The following MUCL3 variants were observed in gnomAD, a reference collection of about 807,000 sequenced individuals.
The protein encoded by MUCL3 is mucin like 3.
In MUCL3, 42 loss-of-function variants were observed where a neutral mutation model predicts 70.2. The observed-to-expected ratio is 0.60, with a 90% CI of 0.47 to 0.77. The LOEUF (loss-of-function observed/expected upper bound fraction) is 0.77. Ranked by LOEUF, MUCL3 falls within the 30% of genes least tolerant of loss-of-function variation. The pLI, the probability that MUCL3 is intolerant of heterozygous loss-of-function variation, is 0.00. For missense variants in MUCL3, 1,429 were observed against 1,670.0 expected, an observed-to-expected ratio of 0.86 and a Z score of 2.52; for synonymous variants, 522 against 647.0, an observed-to-expected ratio of 0.81 and a Z score of 2.93.
intron 1 of MUCL3, among the ~76,000 whole-genome samples, chr6:30,948,195 G>A (rs549349920): frequency 6.6e-6 from 1 of 152,306 alleles, no homozygotes; most frequent in South Asian, 2.1e-4. Context: ...CAACTGTAAC[G>A]TGAAGTTGAA....
At position 30,952,155 on chromosome 6, in the gene MUCL3, A is replaced by C; in HGVS notation, c.3691A>C (p.Asn1231His). The change falls in exon 2 of 3, where the codon AAC becomes CAC. Residue 1231 changes from asparagine (N) to histidine (H), a missense_variant. Asn to His is a moderately conservative substitution (Grantham distance 68). Coordinates refer to ENST00000462446, the MANE Select transcript of MUCL3 (RefSeq NM_080870.4). ...TIKAPVKSTENPEKTAAVTKT... is the reference protein window; with the variant it reads ...TIKAPVKSTEHPEKTAAVTKT... The stretch of plus-strand genomic sequence containing the variant: ...AAAAGCCCCAGTAAAGTCCACAGAA[A>C]ACCCAGAAAAAACAGCAGCAGTCAC... 6.2e-7 allele frequency: 1 copy of C among 1,614,030 alleles called. No homozygotes were observed. Among genetic ancestry groups the C allele is most frequent in the Non-Finnish European group, 8.5e-7 (1 of 1,179,988 alleles).
At position 30,949,353 on chromosome 6, in the gene MUCL3, A is replaced by G. The variant is rs1443784836; in HGVS notation, c.889A>G (p.Asn297Asp). The G allele has an allele frequency of 6.4e-7, 1 of 1,551,776 alleles. No homozygotes were observed. The highest frequency in any genetic ancestry group is 2.0e-5 in the Admixed American group (1 of 51,010). ...TGGAGGAAGGACAGCCAATGAGAACAACACACCATCCCCAGCAGAGCCTAC... is the reference window on the plus strand; with the variant it reads ...TGGAGGAAGGACAGCCAATGAGAACGACACACCATCCCCAGCAGAGCCTAC... ...EHGGRTANEN[N>D]TPSPAEPTEN... Residue 297 changes from asparagine to aspartate, a missense_variant, in exon 2 of 3, where the codon AAC becomes GAC. Physicochemically the swap from Asn to Asp is conservative, Grantham distance 23 (BLOSUM62 1). Coordinates refer to ENST00000462446, the MANE Select transcript of MUCL3 (RefSeq NM_080870.4).
Position 30,953,006 on chromosome 6 carries a change from C to T in MUCL3, c.4071C>T (p.Thr1357=). The T allele has an allele frequency of 2.5e-6, 4 of 1,614,242 alleles. No homozygotes were observed. Among genetic ancestry groups the T allele is most frequent in the Non-Finnish European group, 3.4e-6 (4 of 1,180,036 alleles). The change falls in exon 3 of 3, where the codon ACC becomes ACT. Residue 1357 remains threonine, a synonymous_variant. Transcript: ENST00000462446. ...SYMMRTRRTL[T]QNTQYNDAED... is the part of the protein sequence containing the mutation. ...TGATGCGGACACGCCGCACACTAAC[C>T]CAGAACACCCAGTACAATGATGCAG... is the stretch of plus-strand genomic sequence containing the variant.
Position 30,953,967 on chromosome 6 carries a change from TGTAGCTTTATCTC to T in MUCL3, c.*854_*866del, listed in dbSNP as rs1325854976. On this transcript the variant is annotated 3_prime_UTR_variant, in exon 3 of 3. Transcript: ENST00000462446. ...CCTGTCTCTTCCACCAAAAGCCAGCTGTAGCTTTATCTCGTAAAAGTTACCCATCTTCTCTACT... is the reference window on the plus strand; with the variant it reads ...CCTGTCTCTTCCACCAAAAGCCAGCTGTAAAAGTTACCCATCTTCTCTACT... 2 of 152,344 alleles carry T rather than the reference TGTAGCTTTATCTC, an allele frequency of 1.3e-5. No individual in the cohort carries two copies. The highest frequency in any genetic ancestry group is 2.4e-5 in the African/African-American group (1 of 41,442). 9.4% of individuals were successfully genotyped at this position (152,344 alleles called of 1,614,324 possible).
chr6:30,941,193 A>G, intron 1 of MUCL3, 112 bp downstream of exon 1: 1 of 1,307,450 alleles, frequency 7.6e-7, no homozygotes, highest in East Asian at 2.5e-5. Context: ...GCTGCTACAG[A>G]CAGTTGTCTA....
chr6:30,950,880 G>A lies in MUCL3; in HGVS notation c.2416G>A (p.Glu806Lys), dbSNP rs927377573. The A allele has an allele frequency of 6.5e-7, 1 of 1,547,168 alleles. No homozygotes were observed. The highest frequency in any genetic ancestry group is 2.5e-5 in the East Asian group (1 of 40,652). ...CTCAGCAGAGCCTACAGAACACGCA[G>A]AAAGGACTCCACTGGCCAATGAGAA... is the stretch of plus-strand genomic sequence containing the variant. ...SSSAEPTEHA[E>K]RTPLANENTT... Residue 806 changes from glutamate to lysine, a missense_variant, in exon 2 of 3, where the codon GAA becomes AAA. Coordinates refer to ENST00000462446, the MANE Select transcript of MUCL3 (RefSeq NM_080870.4).
rs1404188472 is a variant in MUCL3, at chr6:30,950,576, A to G, written c.2112A>G (p.Gly704=). 1 of 1,550,880 alleles carries G rather than the reference A, an allele frequency of 6.4e-7. No homozygotes were observed. The highest frequency in any genetic ancestry group is 1.4e-5 in the African/African-American group (1 of 72,600). ...TSSSAEPTEH[G]ERTPLANENT... ...CCTCAGCAGAGCCTACAGAACACGG[A>G]GAAAGGACCCCACTGGCCAATGAGA... Residue 704 remains glycine (G), a synonymous_variant, in exon 2 of 3, where the codon GGA becomes GGG. Transcript: ENST00000462446.
chr6:30,943,726 A>C (rs142811320), intron 1 of MUCL3, among the ~76,000 whole-genome samples: 132 of 152,394 alleles, frequency 8.7e-4, no homozygotes, highest in African/African-American at 3.0e-3. Flanking sequence ...TATTTGATTT[A>C]ATTTCTATAA....
intron 1 of MUCL3, 109 bp from the exon 2 acceptor site, chr6:30,948,438 G>T (rs1463691996): frequency 4.8e-6 from 4 of 832,126 alleles, no homozygotes; most frequent in Non-Finnish European, 7.4e-6. Flanking sequence ...GAGACTGGCT[G>T]GGGAGTCATA....
chr6:30,952,595 A>G (rs1582269915), intron 2 of MUCL3, 96 bp downstream of exon 2: 4 of 1,347,822 alleles, frequency 3.0e-6, no homozygotes, highest in African/African-American at 1.5e-5. Context: ...GAGTCTAGGA[A>G]AAGAGACATG....
Position 30,951,303 on chromosome 6 carries a change from G to C in MUCL3, c.2839G>C (p.Glu947Gln). 6.4e-7 allele frequency: 1 copy of C among 1,550,664 alleles called. No homozygotes were observed. Among genetic ancestry groups the C allele is most frequent in the South Asian group, 1.2e-5 (1 of 83,980 alleles). The change falls in exon 2 of 3, where the codon GAA becomes CAA. Residue 947 changes from glutamate to glutamine, a missense_variant. By Grantham distance (29) the Glu-to-Gln change is conservative. Coordinates refer to ENST00000462446, the MANE Select transcript of MUCL3 (RefSeq NM_080870.4). ...CCGAGCAGAGCCTACAGAACATGGA[G>C]AAAGGATAGCCAATGAGAAGGCCAC... is the stretch of plus-strand genomic sequence containing the variant. ...PSRAEPTEHGERIANEKATPS... is the reference protein window; with the variant it reads ...PSRAEPTEHGQRIANEKATPS...
At chr6:30,946,103 C>T (rs1333733812) in intron 1 of MUCL3, 1 of 152,382 alleles carries the variant, frequency 6.6e-6, no homozygotes, top group Non-Finnish European at 1.5e-5. Flanking sequence ...AAGGTGGCCA[C>T]AGCAGGTGAG....
At chr6:30,943,733 A>G (rs1207214751) in intron 1 of MUCL3, among the ~76,000 whole-genome samples, 2 of 152,278 alleles carry the variant, frequency 1.3e-5, no homozygotes, top group South Asian at 2.1e-4. Context: ...TTTAATTTCT[A>G]TAACACAAAT....
At position 30,948,837 on chromosome 6, in the gene MUCL3, T is replaced by G; in HGVS notation, c.373T>G (p.Ser125Ala). The change falls in exon 2 of 3, where the codon TCC becomes GCC. Residue 125 changes from serine to alanine, a missense_variant. Transcript: ENST00000462446. ...GGCTCCTCCCACTTCTGAAGAAAAC[T>G]CCAGCAACCAAGGGAAAGACCCAAT... ...HEAPPTSEEN[S>A]SNQGKDPMIR... The G allele has an allele frequency of 1.3e-6, 2 of 1,551,574 alleles. No individual in the cohort carries two copies. Among genetic ancestry groups the G allele is most frequent in the South Asian group, 1.2e-5 (1 of 84,048 alleles).
At chr6:30,947,292 T>C (rs1472232175) in intron 1 of MUCL3, among the ~76,000 whole-genome samples, 2 of 152,180 alleles carry the variant, frequency 1.3e-5, no homozygotes, top group East Asian at 1.9e-4. Context: ...TCTCAATTCC[T>C]TTCAGAGACT....
chr6:30,946,556 C>T (rs981168916), intron 1 of MUCL3, among the ~76,000 whole-genome samples: 1 of 152,226 alleles, frequency 6.6e-6, no homozygotes, highest in Non-Finnish European at 1.5e-5. Context: ...ATTACTTAAC[C>T]TCTTTGCGTC....
At position 30,941,074 on chromosome 6, in the gene MUCL3, G is replaced by A; in HGVS notation, c.75G>A (p.Trp25Ter). 6.5e-7 allele frequency: 1 copy of A among 1,550,316 alleles called. No homozygotes were observed. The highest frequency in any genetic ancestry group is 8.7e-7 in the Non-Finnish European group (1 of 1,146,982). Residue 25 changes from tryptophan (W) to a stop codon, truncating the protein, a stop_gained, in exon 1 of 3, where the codon TGG becomes TGA. Transcript: ENST00000462446. LOFTEE classifies it high-confidence loss of function. The part of the protein sequence containing the change: ...QCCLLFLLAS[W>*]GAGATTFQEY... ...GCCTCCTCTTCCTTCTAGCTTCTTG[G>A]GGGGCAGGTAAGATGCCCACAGGGG...
chr6:30,950,047 T>C lies in MUCL3; in HGVS notation c.1583T>C (p.Leu528Pro). 1 of 1,524,112 alleles carries C rather than the reference T, an allele frequency of 6.6e-7. No homozygotes were observed. The highest frequency in any genetic ancestry group is 8.8e-7 in the Non-Finnish European group (1 of 1,138,812). The allele number at this position is 1,524,112 out of a possible 1,614,324, so 94.4% of individuals were successfully genotyped here. A position where few individuals can be genotyped will look rare whatever the true frequency, so the allele number is the denominator to read the frequency against. ...ACAGAACACGGAGAAAGGACCCCAC[T>C]GGCCAATGAGAACACCACACCATCC... ...EPTEHGERTP[L>P]ANENTTPSPA... The change falls in exon 2 of 3, where the codon CTG becomes CCG. Residue 528 changes from leucine to proline, a missense_variant. Coordinates refer to ENST00000462446, the MANE Select transcript of MUCL3 (RefSeq NM_080870.4).
chr6:30,942,619 C>A (rs982813679), intron 1 of MUCL3, among the ~76,000 whole-genome samples: 2 of 152,160 alleles, frequency 1.3e-5, no homozygotes, highest in African/African-American at 4.8e-5. Flanking sequence ...TGTCTGTCTC[C>A]CCTACCTTGA....
Sources: gnomAD v4.1 joint callset for allele counts (sites outside exome capture counted in the v4.1 genomes callset) on GRCh38, gnomAD v4.1.1 for gene constraint, MANE v1.5 for transcripts, NCBI Gene and HGNC (gene_info 2026-07-23, HGNC 2026-07-21) for gene names.